The following CACNA1B variants were observed in gnomAD, a reference collection of about 807,000 sequenced individuals.
CACNA1B encodes voltage-dependent N-type calcium channel subunit alpha-1B.
In CACNA1B, 70 loss-of-function variants were observed where a neutral mutation model predicts 247.2. The observed-to-expected ratio is 0.28, with a 90% CI of 0.23 to 0.35. CACNA1B has a LOEUF of 0.35. CACNA1B is among the 10% of genes least tolerant of loss of function. The pLI is 1.00. For synonymous variants in CACNA1B, 1,231 were observed against 1,294.4 expected, an observed-to-expected ratio of 0.95 and a Z score of 1.05; for missense variants, 2,367 against 3,197.4, an observed-to-expected ratio of 0.74 and a Z score of 6.26.
At chr9:138,117,236 G>C (rs373031633) in intron 42 of CACNA1B, among the ~76,000 whole-genome samples, 2 of 152,190 alleles carry the variant, frequency 1.3e-5, no homozygotes, top group East Asian at 3.9e-4. Context: ...TCCGCCAGAA[G>C]GCTGCACCCC....
At chr9:138,046,767 G>A in intron 21 of CACNA1B, 137 bp from the exon 22 acceptor site, 1 of 781,960 alleles carries the variant, frequency 1.3e-6, no homozygotes, top group East Asian at 2.7e-5. Context: ...GGGACCATTA[G>A]CAAAGCGAAG....
rs137962124 is a variant in CACNA1B at position 137,892,741 on chromosome 9, G to A, written c.530+9858G>A. On this transcript the variant is annotated intron_variant, in intron 3 of 46. Transcript: ENST00000371372. ...GCCTGCCGGTCCCACCCCAGCACCT[G>A]CTGTCTTAAAGCCTTGCTCTGGGAG... is the stretch of plus-strand genomic sequence containing the variant. 3.5e-4 allele frequency among the ~76,000 whole-genome samples: 54 copies of A among 152,348 alleles called. No homozygotes were observed. In the East Asian group the frequency reaches 8.7e-3, roughly 24 times the overall value.
intron 45 of CACNA1B, 57 bp from the exon 46 acceptor site, chr9:138,120,574 G>T: frequency 1.5e-5 from 22 of 1,460,078 alleles, no homozygotes; most frequent in Non-Finnish European, 1.6e-5. Context: ...TGGGCCCGGG[G>T]GTCAGGGGTC....
At chr9:138,002,903 C>G (rs148099601) in intron 15 of CACNA1B, among the ~76,000 whole-genome samples, 3 of 151,382 alleles carry the variant, frequency 2.0e-5, no homozygotes, top group African/African-American at 7.3e-5. Flanking sequence ...CGGGTTCAAG[C>G]GATTTTTCTG....
chr9:137,914,928 C>A lies in CACNA1B; in HGVS notation c.775+122C>A. 2.0e-6 allele frequency: 2 copies of A among 1,005,170 alleles called. No homozygotes were observed. The highest frequency in any genetic ancestry group is 2.9e-6 in the Non-Finnish European group (2 of 699,242). 62.3% of individuals were successfully genotyped at this position (1,005,170 alleles called of 1,614,324 possible). A position where few individuals can be genotyped will look rare whatever the true frequency, so the allele number is the denominator to read the frequency against. On this transcript the variant is annotated intron_variant, in intron 5 of 46. Coordinates refer to ENST00000371372, the MANE Select transcript of CACNA1B (RefSeq NM_000718.4). The surrounding 1 kb of genome is among the most constrained non-coding windows in gnomAD (Gnocchi z 4.3). ...TGCCAGATACATGAGGTGGAGCTGA[C>A]ATTCTAGTGGGGGACATAGACGATA... is the stretch of plus-strand genomic sequence containing the variant.
intron 6 of CACNA1B, among the ~76,000 whole-genome samples, chr9:137,924,289 TTGCC>T (rs375035832): frequency 1.1e-3 from 172 of 151,832 alleles, no homozygotes; most frequent in African/African-American, 4.0e-3. Flanking sequence ...TGTGAGGTTT[TTGCC>T]TGCCTGCCTT....
Position 138,023,034 on chromosome 9 carries a change from C to A in CACNA1B, c.2291C>A (p.Ala764Glu). ...AGCAGGCAGCAGAACTCGGCCAAGG[C>A]GCGCTCGGTGTGGGAGCAGCGGGCC... Reference protein sequence around the residue: ...IAARQQNSAKARSVWEQRASQ... With the variant: ...IAARQQNSAKERSVWEQRASQ... Residue 764 changes from alanine (A) to glutamate (E), a missense_variant, in exon 19 of 47, where the codon GCG becomes GAG. Transcript: ENST00000371372. 1.3e-6 allele frequency: 2 copies of A among 1,519,668 alleles called. No homozygotes were observed. The highest frequency in any genetic ancestry group is 2.6e-5 in the East Asian group (1 of 38,912). The allele number at this position is 1,519,668 out of a possible 1,614,324, so 94.1% of individuals were successfully genotyped here. A position where few individuals can be genotyped will look rare whatever the true frequency, so the allele number is the denominator to read the frequency against.
intron 37 of CACNA1B, chr9:138,101,079 A>G (rs1182393632): frequency 7.7e-6 from 4 of 522,744 alleles, no homozygotes; most frequent in East Asian, 5.6e-5. Context: ...CTTTGTTGCC[A>G]TAACCTGTGA....
In CACNA1B at chr9:137,980,547, C is replaced by T. The variant is rs191793315; in HGVS notation, c.1657-3591C>T. Reference sequence around the variant, plus strand: ...AAGTTTTATTTAGATTCAGGGGTTACACGTGCAGGTTTGTTACATGGGTAT... The same window carrying T: ...AAGTTTTATTTAGATTCAGGGGTTATACGTGCAGGTTTGTTACATGGGTAT... On this transcript the variant is annotated intron_variant, in intron 12 of 46. Coordinates refer to ENST00000371372, the MANE Select transcript of CACNA1B (RefSeq NM_000718.4). Among the ~76,000 whole-genome samples the T allele has an allele frequency of 9.5e-4, 145 of 152,336 alleles. 2 individuals are homozygous for T. The highest frequency in any genetic ancestry group is 3.1e-3 in the African/African-American group (130 of 41,578).
intron 36 of CACNA1B, among the ~76,000 whole-genome samples, chr9:138,094,813 T>C (rs1008604045): frequency 3.9e-5 from 6 of 152,234 alleles, no homozygotes; most frequent in African/African-American, 1.4e-4. Flanking sequence ...TTGACAGTTG[T>C]GCTAATGGGG....
chr9:138,043,805 G>A lies in CACNA1B; in HGVS notation c.3318G>A (p.Glu1106=), dbSNP rs190032886. ...ACGTGGACCTGGAAAGCCAAGCAGA[G>A]GGGAAGAAGGAGGTGGAAGCGGATG... ...SGNVDLESQA[E]GKKEVEADDV... The change falls in exon 21 of 47, where the codon GAG becomes GAA. Residue 1106 remains glutamate (E), a synonymous_variant. Coordinates refer to ENST00000371372, the MANE Select transcript of CACNA1B (RefSeq NM_000718.4). The A allele has an allele frequency of 3.8e-4, 621 of 1,613,954 alleles. 4 individuals are homozygous for A. Among genetic ancestry groups the A allele is most frequent in the Non-Finnish European group, 4.2e-5 (50 of 1,179,874 alleles).
intron 3 of CACNA1B, chr9:137,892,593 G>T (rs1038643197): frequency 2.8e-6 from 1 of 356,092 alleles, no homozygotes; most frequent in African/African-American, 2.1e-5. Flanking sequence ...ACCCCGAAGG[G>T]GCCAAGGGTG....
At position 138,093,403 on chromosome 9, in the gene CACNA1B, CAAAAAAA is replaced by C. The variant is rs58608297; in HGVS notation, c.5095-3062_5095-3056del. Among the ~76,000 whole-genome samples the C allele has an allele frequency of 1.1e-3, 47 of 43,256 alleles. No individual in the cohort carries two copies. The East Asian group carries it at 0.018, about 16-fold the overall frequency. The allele number at this position is 43,256 out of a possible 152,430, so 28.4% of individuals were successfully genotyped here. On this transcript the variant is annotated intron_variant, in intron 36 of 46. Coordinates refer to ENST00000371372, the MANE Select transcript of CACNA1B (RefSeq NM_000718.4). ...TGGGCTACAGAGTGAGACTCTGTCT[CAAAAAAA>C]AAAAAAAAAAAAAAAAAAGAAGAAG...
At chr9:137,939,229 A>G (rs1360139812) in intron 6 of CACNA1B, among the ~76,000 whole-genome samples, 2 of 152,212 alleles carry the variant, frequency 1.3e-5, no homozygotes, top group Admixed American at 6.5e-5. Flanking sequence ...CTTAACAGGT[A>G]TTTACAGAAC....
intron 15 of CACNA1B, among the ~76,000 whole-genome samples, chr9:138,002,188 C>T (rs1958585170): frequency 1.3e-5 from 2 of 151,904 alleles, no homozygotes; most frequent in Non-Finnish European, 2.9e-5. Context: ...AAGAACAGAC[C>T]AGAGAACCTG....
chr9:137,926,207 T>A (rs1424245609), intron 6 of CACNA1B, among the ~76,000 whole-genome samples: 1 of 151,642 alleles, frequency 6.6e-6, no homozygotes, highest in African/African-American at 2.4e-5. Context: ...GTAGCTGGGA[T>A]TACAGGCACC....
rs568231134 is a variant in CACNA1B, at chr9:137,918,288, C to G, written c.966+857C>G. Among the ~76,000 whole-genome samples, 1,329 of 152,148 alleles carry G rather than the reference C, an allele frequency of 8.7e-3. 6 individuals carry two copies. The highest frequency in any genetic ancestry group is 0.014 in the Non-Finnish European group (964 of 67,982). ...TTCTTGGTGGAGTCTCCCATCCCCC[C>G]ACCACCGACTCTTGAGCAGATCTGC... On this transcript the variant is annotated intron_variant, in intron 6 of 46. Transcript: ENST00000371372.
At chr9:137,907,114 G>A (rs1196295585) in intron 3 of CACNA1B, among the ~76,000 whole-genome samples, 1 of 152,172 alleles carries the variant, frequency 6.6e-6, no homozygotes. Context: ...AAATGATGTA[G>A]CGTGTGAGTG....
intron 20 of CACNA1B, among the ~76,000 whole-genome samples, chr9:138,028,270 G>A (rs1958946843): frequency 1.3e-5 from 2 of 152,012 alleles, no homozygotes; most frequent in South Asian, 4.2e-4. Context: ...TGATCCACCT[G>A]TCTTGGCCTC....
Sources: allele counts gnomAD v4.1 joint callset (sites outside exome capture counted in the v4.1 genomes callset), GRCh38; gene constraint gnomAD v4.1.1; non-coding constraint Gnocchi (gnomAD v3.1); transcripts MANE v1.5; gene names NCBI Gene and HGNC (gene_info 2026-07-23, HGNC 2026-07-21).